The following TENM3 variants were observed in gnomAD, a reference collection of about 807,000 sequenced individuals.
TENM3 encodes the protein teneurin-3.
TENM3 carries 63 observed loss-of-function variants against 255.1 expected under a neutral mutation model. The observed-to-expected ratio is 0.25, with a 90% confidence interval of 0.20 to 0.30. The LOEUF is 0.30. Ranked by LOEUF, TENM3 falls within the 10% of genes least tolerant of loss-of-function variation. The pLI is 1.00. For synonymous variants in TENM3, 1,306 were observed against 1,322.3 expected (o/e 0.99, Z 0.27); for missense variants, 2,929 against 3,461.1 (o/e 0.85, Z 3.86).
chr4:181,506,329 C>A, the TENM3 span, among the ~76,000 whole-genome samples: 2 of 151,754 alleles, frequency 1.3e-5, no homozygotes, highest in Non-Finnish European at 2.9e-5. Flanking sequence ...AATATTTGGC[C>A]TTTTTACTCA....
the TENM3 span, among the ~76,000 whole-genome samples, chr4:181,665,531 G>C: frequency 1.3e-5 from 2 of 151,964 alleles, no homozygotes; most frequent in Non-Finnish European, 2.9e-5. Flanking sequence ...GCGTGCGTGT[G>C]TGTATACGTA....
In TENM3 at chr4:182,281,563, C is replaced by T. The variant is rs114255583; in HGVS notation, c.-76+38087C>T. On this transcript the variant is annotated intron_variant, in intron 1 of 27. Coordinates refer to ENST00000511685, the MANE Select transcript of TENM3 (RefSeq NM_001080477.4). ...GAGACAAAGGTCTTGCTATATTGCCCGGGCTGGTCTTGTACTCCTGGGCTC... is the reference window on the plus strand; with the variant it reads ...GAGACAAAGGTCTTGCTATATTGCCTGGGCTGGTCTTGTACTCCTGGGCTC... Among the ~76,000 whole-genome samples the T allele has an allele frequency of 8.5e-3, 1,293 of 151,978 alleles. 9 individuals carry two copies. The highest frequency in any genetic ancestry group is 0.015 in the Non-Finnish European group (1,032 of 67,968).
the TENM3 span, among the ~76,000 whole-genome samples, chr4:181,950,937 G>A: frequency 6.6e-6 from 1 of 152,160 alleles, no homozygotes; most frequent in South Asian, 2.1e-4. Flanking sequence ...AGCTACTCGG[G>A]AGGCTGAAGC....
At chr4:181,961,569 G>A in the TENM3 span, among the ~76,000 whole-genome samples, 15 of 152,068 alleles carry the variant, frequency 9.9e-5, no homozygotes, top group East Asian at 3.9e-4. Context: ...ACAGGCGCCC[G>A]CCACCACGTC....
At chr4:182,458,735 G>T (rs1774067922) in intron 3 of TENM3, among the ~76,000 whole-genome samples, 1 of 152,124 alleles carries the variant, frequency 6.6e-6, no homozygotes, top group South Asian at 2.1e-4. Context: ...TGCTTTCTTT[G>T]TGTATGTATT....
rs923539973 is a variant in TENM3, at chr4:182,167,638, C to T, written c.-76+22884C>T. Among the ~76,000 whole-genome samples, 97 of 152,098 alleles carry T rather than the reference C, an allele frequency of 6.4e-4. 1 individual carries two copies. The highest frequency in any genetic ancestry group is 2.1e-4 in the Non-Finnish European group (14 of 68,010). On this transcript the variant is annotated intron_variant, in intron 1 of 2. Transcript: ENST00000512480. ...CTATAATCTCAGCACTTTGGGAGGC[C>T]TAGGCTGGTGGATTGCTAGAGCCCA... is the stretch of plus-strand genomic sequence containing the variant.
the TENM3 span, among the ~76,000 whole-genome samples, chr4:181,470,911 T>C: frequency 1.3e-5 from 2 of 152,222 alleles, no homozygotes; most frequent in African/African-American, 4.8e-5. Context: ...AACTAATTTA[T>C]TTGTCCCAGT....
chr4:181,859,508 G>C, the TENM3 span, among the ~76,000 whole-genome samples: 2 of 152,082 alleles, frequency 1.3e-5, no homozygotes, highest in Non-Finnish European at 2.9e-5. Flanking sequence ...TATTACTGTG[G>C]TTCTCATCAT....
chr4:182,300,239 C>G (rs1172034029), intron 1 of TENM3, among the ~76,000 whole-genome samples: 1 of 144,610 alleles, frequency 6.9e-6, no homozygotes, highest in South Asian at 2.4e-4. Context: ...TTATGAGAAT[C>G]GTTTTCTTCA....
the TENM3 span, among the ~76,000 whole-genome samples, chr4:181,691,717 CCT>C: frequency 3.9e-5 from 6 of 152,060 alleles, no homozygotes; most frequent in Admixed American, 2.6e-4. Flanking sequence ...AAAAATATAC[CCT>C]GTGTGTGCAA....
chr4:181,881,365 A>G, the TENM3 span, among the ~76,000 whole-genome samples: 5 of 152,164 alleles, frequency 3.3e-5, no homozygotes, highest in Non-Finnish European at 7.3e-5. Context: ...TAAAGAAAAA[A>G]GGAAGTTAAG....
chr4:182,500,735 G>GTAA (rs1736230785), intron 3 of TENM3, among the ~76,000 whole-genome samples: 1 of 152,096 alleles, frequency 6.6e-6, no homozygotes, highest in African/African-American at 2.4e-5. Context: ...AGCACTGTTT[G>GTAA]TAATTGCCAA....
At chr4:181,919,044 A>G in the TENM3 span, among the ~76,000 whole-genome samples, 1 of 152,194 alleles carries the variant, frequency 6.6e-6, no homozygotes, top group Non-Finnish European at 1.5e-5. Flanking sequence ...CATAGGTGCC[A>G]AACCACCTCA....
the TENM3 span, among the ~76,000 whole-genome samples, chr4:181,725,590 C>G: frequency 2.6e-5 from 4 of 152,042 alleles, no homozygotes; most frequent in South Asian, 8.3e-4. Flanking sequence ...AGGTGCCCAC[C>G]ACCACACCCA....
the TENM3 span, among the ~76,000 whole-genome samples, chr4:181,678,109 G>A: frequency 1.3e-5 from 2 of 152,132 alleles, no homozygotes; most frequent in Non-Finnish European, 1.5e-5. Flanking sequence ...ACATGGTAAG[G>A]TGATAGTAAA....
chr4:182,016,338 A>G, the TENM3 span, among the ~76,000 whole-genome samples: 1 of 152,260 alleles, frequency 6.6e-6, no homozygotes, highest in Non-Finnish European at 1.5e-5. Flanking sequence ...GCTTAATTCT[A>G]AACTCTCTCA....
intron 1 of TENM3, among the ~76,000 whole-genome samples, chr4:182,253,755 T>A (rs1329048524): frequency 6.6e-6 from 1 of 152,218 alleles, no homozygotes; most frequent in East Asian, 1.9e-4. Context: ...ATTGACATTA[T>A]CTAATCTATT....
chr4:181,837,921 C>G, the TENM3 span, among the ~76,000 whole-genome samples: 1 of 151,978 alleles, frequency 6.6e-6, no homozygotes, highest in African/African-American at 2.4e-5. Flanking sequence ...AGGCAGATCA[C>G]GAGGTCAAGA....
the TENM3 span, among the ~76,000 whole-genome samples, chr4:181,717,481 A>G: frequency 1.3e-5 from 2 of 152,336 alleles, no homozygotes; most frequent in African/African-American, 4.8e-5. Flanking sequence ...ACCAGATAAT[A>G]GACTCTTAAA....
Sources: gnomAD v4.1 joint callset for allele counts (sites outside exome capture counted in the v4.1 genomes callset) on GRCh38, gnomAD v4.1.1 for gene constraint, MANE v1.5 for transcripts, NCBI Gene and HGNC (gene_info 2026-07-23, HGNC 2026-07-21) for gene names.